The following HECTD4 variants were observed in gnomAD, a reference collection of about 807,000 sequenced individuals.
The protein encoded by HECTD4 is probable E3 ubiquitin-protein ligase HECTD4.
A neutral mutation model predicts 471.5 loss-of-function variants in HECTD4; 114 were observed. That is an observed-to-expected ratio of 0.24 (90% CI 0.21 to 0.28). The LOEUF (loss-of-function observed/expected upper bound fraction) is 0.28, where lower values mean the gene tolerates loss of function less well. Ranked by LOEUF, HECTD4 falls within the 10% of genes least tolerant of loss-of-function variation. The pLI is 1.00. For synonymous variants in HECTD4, 2,012 were observed against 2,256.0 expected, an observed-to-expected ratio of 0.89 and a Z score of 3.07; for missense variants, 3,866 against 5,651.5, an observed-to-expected ratio of 0.68 and a Z score of 10.13.
intron 1 of HECTD4, among the ~76,000 whole-genome samples, chr12:112,348,955 T>C (rs1158818011): frequency 6.6e-6 from 1 of 152,162 alleles, no homozygotes; most frequent in African/African-American, 2.4e-5. Flanking sequence ...ATCTTTATTT[T>C]CCAAGTTGTT....
chr12:112,379,969 T>G (rs1403725898), intron 1 of HECTD4, among the ~76,000 whole-genome samples: 1 of 151,838 alleles, frequency 6.6e-6, no homozygotes, highest in African/African-American at 2.4e-5. Flanking sequence ...TTCTTTCCTT[T>G]GAAAACCATT....
intron 9 of HECTD4, among the ~76,000 whole-genome samples, chr12:112,276,357 A>G (rs1038110348): frequency 6.6e-6 from 1 of 152,190 alleles, no homozygotes; most frequent in African/African-American, 2.4e-5. Context: ...AATAAGACTA[A>G]TGGTCATAAT....
At chr12:112,350,955 A>C (rs919576132) in intron 1 of HECTD4, among the ~76,000 whole-genome samples, 3 of 152,190 alleles carry the variant, frequency 2.0e-5, no homozygotes, top group African/African-American at 7.2e-5. Flanking sequence ...TCTCCCTAAA[A>C]AAGAGCTTAA....
At chr12:112,335,143 TACACACACAC>T (rs144839031) in intron 1 of HECTD4, among the ~76,000 whole-genome samples, 2 of 146,812 alleles carry the variant, frequency 1.4e-5, no homozygotes, top group Non-Finnish European at 1.5e-5. Flanking sequence ...GAAACTGTGA[TACACACACAC>T]ACACACACAC....
At position 112,188,061 on chromosome 12, in the gene HECTD4, T is replaced by C. The variant is rs1441539367; in HGVS notation, c.9473-2568A>G. Reference sequence around the variant, plus strand: ...CAGTACTATGGGAGGCCAAGGCAGGTGGGTCACCTGAGGTCAGGAGACTGA... The same window carrying C: ...CAGTACTATGGGAGGCCAAGGCAGGCGGGTCACCTGAGGTCAGGAGACTGA... On this transcript the variant is annotated intron_variant, in intron 60 of 75. Transcript: ENST00000682272. The surrounding 1 kb of genome is among the most constrained non-coding windows in gnomAD (Gnocchi z 4.2). 1.3e-5 allele frequency among the ~76,000 whole-genome samples: 2 copies of C among 152,044 alleles called. No individual in the cohort carries two copies. Among genetic ancestry groups the C allele is most frequent in the Admixed American group, 1.3e-4 (2 of 15,270 alleles).
chr12:112,199,093 C>T (rs912184197), intron 55 of HECTD4, among the ~76,000 whole-genome samples: 1 of 152,042 alleles, frequency 6.6e-6, no homozygotes. Flanking sequence ...CCGCAGGAGC[C>T]CTGCTGTGGG....
In HECTD4 at chr12:112,346,128, G is replaced by A. The variant is rs183204390; in HGVS notation, c.178-26386C>T. Among the ~76,000 whole-genome samples the A allele has an allele frequency of 8.2e-4, 125 of 152,254 alleles. 1 individual carries two copies. The highest frequency in any genetic ancestry group is 2.9e-3 in the African/African-American group (120 of 41,544). On this transcript the variant is annotated intron_variant, in intron 1 of 75. Transcript: ENST00000682272. ...CCCATTTCACAGGTGAGAAAACTGC[G>A]GGTTTAGAAGGTTAACCCATTGGCC...
chr12:112,371,684 C>T (rs924748330), intron 1 of HECTD4, among the ~76,000 whole-genome samples: 59 of 151,992 alleles, frequency 3.9e-4, no homozygotes, highest in Admixed American at 1.2e-3. Context: ...GTCAGGAGTT[C>T]GAGACCAGCC....
At chr12:112,186,164 G>A (rs1229376629) in intron 60 of HECTD4, among the ~76,000 whole-genome samples, 1 of 151,750 alleles carries the variant, frequency 6.6e-6, no homozygotes, top group Admixed American at 6.6e-5. Flanking sequence ...TTTTTCTTTT[G>A]CAGAGACAGT....
At chr12:112,299,629 A>G (rs1024501372) in intron 7 of HECTD4, among the ~76,000 whole-genome samples, 1 of 123,210 alleles carries the variant, frequency 8.1e-6, no homozygotes, top group Non-Finnish European at 1.7e-5. Flanking sequence ...TCAAAAAACA[A>G]ACAAACAAAC....
chr12:112,353,879 T>C (rs2036287671), intron 1 of HECTD4, among the ~76,000 whole-genome samples: 1 of 152,144 alleles, frequency 6.6e-6, no homozygotes, highest in African/African-American at 2.4e-5. Context: ...TCAGTTAACA[T>C]TTGCCAAAAT....
intron 1 of HECTD4, among the ~76,000 whole-genome samples, chr12:112,367,168 G>T (rs2036576988): frequency 6.6e-6 from 1 of 151,304 alleles, no homozygotes; most frequent in Non-Finnish European, 1.5e-5. Flanking sequence ...CAGGTGTGGT[G>T]GCGCACACCT....
rs2034242145 is a variant in HECTD4 at position 112,265,257 on chromosome 12, A to C, written c.2537T>G (p.Val846Gly). The C allele has an allele frequency of 6.3e-7, 1 of 1,589,982 alleles. No homozygotes were observed. Among genetic ancestry groups the C allele is most frequent in the Non-Finnish European group, 8.6e-7 (1 of 1,163,934 alleles). Reference sequence around the variant, plus strand: ...GATTAAGATACAGGATTCTCGTACAACAATCTTCAGAATGTAGTGTAAAAG... The same window carrying C: ...GATTAAGATACAGGATTCTCGTACACCAATCTTCAGAATGTAGTGTAAAAG... ...DELLHYILKI[V>G]VRESCILITK... The change falls in exon 16 of 76, where the codon GTT becomes GGT. Residue 846 changes from valine (V) to glycine (G), a missense_variant. Around this residue, in one of 16 missense-constraint regions of HECTD4, gnomAD observed 525 missense variants for 672.6 expected, o/e 0.78. Coordinates refer to ENST00000682272, the MANE Select transcript of HECTD4 (RefSeq NM_001388303.1).
chr12:112,349,126 C>T (rs1048091805), intron 1 of HECTD4, among the ~76,000 whole-genome samples: 19 of 152,190 alleles, frequency 1.2e-4, no homozygotes, highest in African/African-American at 4.3e-4. Flanking sequence ...GGTGCGGTGG[C>T]TCACGCCTGT....
intron 55 of HECTD4, 113 bp from the exon 56 acceptor site, chr12:112,195,179 G>A (rs189513987): frequency 2.3e-6 from 2 of 876,948 alleles, no homozygotes; most frequent in Admixed American, 5.5e-5. Flanking sequence ...TTCTCTTCCA[G>A]CCTGATGTTC....
In HECTD4 at chr12:112,382,136, G is replaced by A; in HGVS notation, c.-8C>T. On this transcript the variant is annotated 5_prime_UTR_variant, in exon 1 of 76. Transcript: ENST00000682272. ...GGCCGCCGACGAGCCCATGGCCCCG[G>A]CTGAAGGCTTGGCGCTGAGGAGCAG... 1 of 1,219,004 alleles carries A rather than the reference G, an allele frequency of 8.2e-7. No homozygotes were observed. The highest frequency in any genetic ancestry group is 1.0e-6 in the Non-Finnish European group (1 of 982,134). The allele number at this position is 1,219,004 out of a possible 1,614,324, so 75.5% of individuals were successfully genotyped here.
rs1321950514 is a variant in HECTD4 at position 112,184,481 on chromosome 12, G to A, written c.10485C>T (p.Cys3495=). ...CGGTTTGGGAGATGCCCTGCGAGCT[G>A]CAGATGGAGGCCTGGCTGGTGGAGG... is the stretch of plus-strand genomic sequence containing the variant. The part of the protein sequence containing the change: ...ASASTSQASI[C]SSQGISQTVS... Residue 3495 remains cysteine (C), a synonymous_variant, in exon 61 of 76, where the codon TGC becomes TGT. Coordinates refer to ENST00000682272, the MANE Select transcript of HECTD4 (RefSeq NM_001388303.1). The surrounding 1 kb of genome is among the most constrained non-coding windows in gnomAD (Gnocchi z 9.1). 26 of 1,607,116 alleles carry A rather than the reference G, an allele frequency of 1.6e-5. No homozygotes were observed. The Admixed American group carries it at 3.8e-4, about 24-fold the overall frequency.
intron 12 of HECTD4, 83 bp from the exon 13 acceptor site, chr12:112,269,932 T>C: frequency 1.7e-6 from 2 of 1,210,630 alleles, no homozygotes; most frequent in Non-Finnish European, 2.4e-6. Flanking sequence ...ACATGGTAGA[T>C]ATCCTATGAA....
intron 52 of HECTD4, among the ~76,000 whole-genome samples, chr12:112,206,038 G>A (rs576527338): frequency 8.2e-4 from 125 of 152,256 alleles, no homozygotes; most frequent in African/African-American, 2.8e-3. Flanking sequence ...AAGAACATAC[G>A]ATTATGTTTG....
Sources: allele counts gnomAD v4.1 joint callset (sites outside exome capture counted in the v4.1 genomes callset), GRCh38; gene constraint gnomAD v4.1.1; regional missense constraint gnomAD v4.1.1; non-coding constraint Gnocchi (gnomAD v3.1); transcripts MANE v1.5; gene names NCBI Gene and HGNC (gene_info 2026-07-23, HGNC 2026-07-21).